SHISA9: variants seen among roughly 807,000 people sequenced by gnomAD.
The protein encoded by SHISA9 is shisa family member 9.
A neutral mutation model predicts 38.0 loss-of-function variants in SHISA9; 13 were observed. The observed-to-expected ratio is 0.34, with a 90% CI of 0.22 to 0.54. The LOEUF is 0.54. Among genes scored for constraint, SHISA9 ranks in the 20% least tolerant of loss-of-function variants. The pLI is 0.91. For missense variants in SHISA9, 538 were observed against 575.8 expected (o/e 0.93, Z 0.67); for synonymous variants, 275 against 242.0 (o/e 1.14, Z -1.27).
chr16:13,265,032 C>T, the SHISA9 span, among the ~76,000 whole-genome samples: 3 of 138,044 alleles, frequency 2.2e-5, no homozygotes, highest in Admixed American at 2.1e-4. Flanking sequence ...CTCTGCTCCC[C>T]TCTCCTCCCC....
the SHISA9 span, among the ~76,000 whole-genome samples, chr16:13,311,232 T>C: frequency 6.6e-6 from 1 of 152,048 alleles, no homozygotes; most frequent in Non-Finnish European, 1.5e-5. Flanking sequence ...TATAGATACA[T>C]ATATATTTTA....
At chr16:13,168,446 C>G (rs115724495) in intron 2 of SHISA9, among the ~76,000 whole-genome samples, 1,863 of 152,356 alleles carry the variant, frequency 0.012, 29 homozygotes, top group African/African-American at 0.041. Flanking sequence ...TACATCATTT[C>G]TACCCTTACT....
chr16:13,196,702 G>A (rs1261714550), intron 2 of SHISA9, among the ~76,000 whole-genome samples: 1 of 152,130 alleles, frequency 6.6e-6, no homozygotes, highest in Non-Finnish European at 1.5e-5. Flanking sequence ...TTAATAATAG[G>A]GAAACTGGGT....
chr16:12,910,423 G>A (rs2071166909), intron 1 of SHISA9: 1 of 979,136 alleles, frequency 1.0e-6, no homozygotes, highest in African/African-American at 1.8e-5. Flanking sequence ...CCCTGCCCTT[G>A]AAGAGCAAAC....
At chr16:12,997,823 T>C (rs2072477252) in intron 2 of SHISA9, among the ~76,000 whole-genome samples, 1 of 152,258 alleles carries the variant, frequency 6.6e-6, no homozygotes, top group Non-Finnish European at 1.5e-5. Context: ...TTCACCTCTG[T>C]GTACACACAT....
the SHISA9 span, among the ~76,000 whole-genome samples, chr16:13,383,562 G>T: frequency 6.6e-6 from 1 of 152,130 alleles, no homozygotes; most frequent in African/African-American, 2.4e-5. Context: ...TTTGAATATT[G>T]GACCTGGAAA....
the SHISA9 span, among the ~76,000 whole-genome samples, chr16:13,473,865 TTTGGATGCAATGC>T: frequency 6.6e-6 from 1 of 152,200 alleles, no homozygotes; most frequent in Admixed American, 6.5e-5. Flanking sequence ...CTGTTTGGAA[TTTGGATGCAATGC>T]CTGGAGATGC....
the SHISA9 span, among the ~76,000 whole-genome samples, chr16:13,407,457 G>A: frequency 6.6e-6 from 1 of 152,102 alleles, no homozygotes; most frequent in Non-Finnish European, 1.5e-5. Context: ...ACCCCAAAAG[G>A]CCTCACCTCC....
chr16:13,429,310 G>T, the SHISA9 span, among the ~76,000 whole-genome samples: 1 of 152,132 alleles, frequency 6.6e-6, no homozygotes, highest in Admixed American at 6.5e-5. Flanking sequence ...AGTTTTGAAG[G>T]CTAGAAGTGC....
At chr16:13,128,137 G>A (rs926676813) in intron 2 of SHISA9, among the ~76,000 whole-genome samples, 5 of 152,110 alleles carry the variant, frequency 3.3e-5, no homozygotes, top group African/African-American at 1.2e-4. Flanking sequence ...TGGTGACAGA[G>A]TCACTTGGGG....
intron 2 of SHISA9, among the ~76,000 whole-genome samples, chr16:13,114,301 C>G (rs1316595427): frequency 6.6e-6 from 1 of 151,666 alleles, no homozygotes; most frequent in African/African-American, 2.4e-5. Context: ...CCCATCTCCA[C>G]TAAAAATACA....
the SHISA9 span, among the ~76,000 whole-genome samples, chr16:13,368,452 A>G: frequency 7.2e-5 from 11 of 152,260 alleles, no homozygotes; most frequent in East Asian, 3.9e-4. Context: ...AGAAAGGCCA[A>G]TGGGAACTAA....
chr16:13,190,838 C>T (rs998581265), intron 2 of SHISA9, among the ~76,000 whole-genome samples: 3 of 151,838 alleles, frequency 2.0e-5, no homozygotes, highest in African/African-American at 4.8e-5. Context: ...TTTAAGTTTT[C>T]ATGCTCAAAC....
chr16:13,155,155 G>A (rs923072814), intron 2 of SHISA9, among the ~76,000 whole-genome samples: 1 of 152,230 alleles, frequency 6.6e-6, no homozygotes, highest in Non-Finnish European at 1.5e-5. Context: ...TGAAATGGAA[G>A]TAGATTAGAA....
At chr16:13,197,955 C>G (rs182276074) in intron 2 of SHISA9, among the ~76,000 whole-genome samples, 2 of 152,112 alleles carry the variant, frequency 1.3e-5, no homozygotes, top group Non-Finnish European at 2.9e-5. Flanking sequence ...GAGGCCAAGG[C>G]GGGCAGATCA....
chr16:13,043,910 A>C (rs1310060502), intron 2 of SHISA9, among the ~76,000 whole-genome samples: 1 of 152,002 alleles, frequency 6.6e-6, no homozygotes, highest in Non-Finnish European at 1.5e-5. Context: ...GCTTCACTTT[A>C]TTATGCTTCT....
At chr16:13,093,099 C>T (rs569477072) in intron 2 of SHISA9, among the ~76,000 whole-genome samples, 2 of 152,256 alleles carry the variant, frequency 1.3e-5, no homozygotes, top group South Asian at 4.1e-4. Flanking sequence ...TTCCCGGGGG[C>T]ATAGAGTCCT....
At chr16:13,136,967 T>C (rs1383791636) in intron 2 of SHISA9, among the ~76,000 whole-genome samples, 1 of 152,196 alleles carries the variant, frequency 6.6e-6, no homozygotes, top group Non-Finnish European at 1.5e-5. Flanking sequence ...GCTTGTAGGT[T>C]CTGCAGGAAA....
At chr16:13,233,232 A>T (rs2051349317) in intron 4 of SHISA9, among the ~76,000 whole-genome samples, 1 of 152,074 alleles carries the variant, frequency 6.6e-6, no homozygotes, top group East Asian at 1.9e-4. Flanking sequence ...AAAAAATCAG[A>T]GCTTAGTCCT....
Sources: allele counts gnomAD v4.1 joint callset (sites outside exome capture counted in the v4.1 genomes callset), GRCh38; gene constraint gnomAD v4.1.1; transcripts MANE v1.5; gene names NCBI Gene and HGNC (gene_info 2026-07-23, HGNC 2026-07-21).